AFF2: variants seen among roughly 807,000 people sequenced by gnomAD.
The protein encoded by AFF2 is ALF transcription elongation factor 2, also known as AF4/FMR2 family member 2.
Under a neutral mutation model 76.9 loss-of-function variants are expected in AFF2, and 14 were observed. The ratio of observed to expected loss-of-function variants is 0.18; its 90% CI spans 0.12 to 0.28. AFF2 has a LOEUF of 0.28. Ranked by LOEUF, AFF2 falls within the 10% of genes least tolerant of loss-of-function variation. AFF2 has a pLI of 1.00. For synonymous variants in AFF2, 398 were observed against 366.7 expected, an observed-to-expected ratio of 1.09 and a Z score of -0.98; for missense variants, 868 against 1,001.1, an observed-to-expected ratio of 0.87 and a Z score of 1.79.
intron 1 of AFF2, among the ~76,000 whole-genome samples, chrX:148,641,215 A>G (rs2054085796): frequency 8.9e-6 from 1 of 112,102 alleles, no homozygotes; most frequent in Admixed American, 9.5e-5. Flanking sequence ...TTAATGTATT[A>G]ATTAATATTT....
chrX:148,936,931 C>G (rs2071781504), intron 9 of AFF2, among the ~76,000 whole-genome samples: 1 of 111,967 alleles, frequency 8.9e-6, no homozygotes, highest in Non-Finnish European at 1.9e-5. Flanking sequence ...GAAGCTACGG[C>G]AGGGCTGAAA....
intron 8 of AFF2, among the ~76,000 whole-genome samples, chrX:148,894,197 A>G (rs2071255152): frequency 9.0e-6 from 1 of 111,628 alleles, no homozygotes. Context: ...CCACTTTGAA[A>G]AAGTAAGATT....
At chrX:148,803,880 T>G (rs1557271121) in intron 3 of AFF2, among the ~76,000 whole-genome samples, 1 of 110,669 alleles carries the variant, frequency 9.0e-6, no homozygotes, top group African/African-American at 3.3e-5. Context: ...TCATATCCAC[T>G]TAAGTCCCAT....
At chrX:148,629,776 G>A (rs1384939550) in intron 1 of AFF2, among the ~76,000 whole-genome samples, 3 of 111,376 alleles carry the variant, frequency 2.7e-5, no homozygotes, top group Non-Finnish European at 3.8e-5. Flanking sequence ...GCTCTAGTCC[G>A]GCTCCCTGTC....
intron 1 of AFF2, among the ~76,000 whole-genome samples, chrX:148,509,316 A>C (rs2124191619): frequency 8.9e-6 from 1 of 111,753 alleles, no homozygotes; most frequent in African/African-American, 3.2e-5. Context: ...AAATCCAGAA[A>C]TTTTTATTGT....
chrX:148,939,151 T>C (rs1473348281), intron 9 of AFF2, among the ~76,000 whole-genome samples: 1 of 111,564 alleles, frequency 9.0e-6, no homozygotes, highest in Non-Finnish European at 1.9e-5. Flanking sequence ...AATTCTGTGC[T>C]TTTATTTTTC....
chrX:148,843,917 T>C (rs1557274525), intron 7 of AFF2, among the ~76,000 whole-genome samples: 1 of 111,179 alleles, frequency 9.0e-6, no homozygotes, highest in Non-Finnish European at 1.9e-5. Context: ...GGGGTGAGGA[T>C]TTTAGCATAT....
intron 7 of AFF2, among the ~76,000 whole-genome samples, chrX:148,869,294 T>C (rs886941082): frequency 1.8e-5 from 2 of 111,741 alleles, no homozygotes; most frequent in African/African-American, 6.5e-5. Context: ...GTTCCTGAAC[T>C]AGATCATGGT....
At chrX:148,586,943 T>G (rs2053475228) in intron 1 of AFF2, among the ~76,000 whole-genome samples, 2 of 110,900 alleles carry the variant, frequency 1.8e-5, no homozygotes, top group Admixed American at 1.9e-4. Context: ...TCTTCTTTTC[T>G]CCCTCCATCC....
intron 3 of AFF2, among the ~76,000 whole-genome samples, chrX:148,795,782 G>C (rs1456737896): frequency 3.1e-5 from 2 of 63,512 alleles, no homozygotes; most frequent in East Asian, 1.1e-3. Flanking sequence ...CAACCTGGGC[G>C]ACAGAGTGAG....
intron 3 of AFF2, among the ~76,000 whole-genome samples, chrX:148,785,012 TTGAC>T (rs781902550): frequency 8.9e-6 from 1 of 111,754 alleles, no homozygotes; most frequent in African/African-American, 3.2e-5. Context: ...AATCAGGTCT[TTGAC>T]TGAATTCAGC....
rs1161559967 is a variant in AFF2 at position 148,897,251 on chromosome X, ATATATATATATATATATATATG to A, written c.1360-6964_1360-6943del. ...TATATATATATATATATATATATAT[ATATATATATATATATATATATG>A]TATATGAAAAATATATATATCCATA... On this transcript the variant is annotated intron_variant, in intron 8 of 20. Transcript: ENST00000370460. 6.3e-3 allele frequency among the ~76,000 whole-genome samples: 240 copies of A among 38,202 alleles called. 9 individuals carry two copies. The highest frequency in any genetic ancestry group is 0.022 in the East Asian group (24 of 1,109). 33.2% of individuals were successfully genotyped at this position (38,202 alleles called of 115,157 possible). A position where few individuals can be genotyped will look rare whatever the true frequency, so the allele number is the denominator to read the frequency against.
At position 148,500,875 on chromosome X, in the gene AFF2, C is replaced by T; in HGVS notation, c.-223C>T. 2.8e-6 allele frequency: 1 copy of T among 355,682 alleles called. No individual in the cohort carries two copies. Among genetic ancestry groups the T allele is most frequent in the South Asian group, 5.5e-5 (1 of 18,167 alleles). The allele number at this position is 355,682 out of a possible 1,213,427, so 29.3% of individuals were successfully genotyped here. On this transcript the variant is annotated 5_prime_UTR_variant, in exon 1 of 21. Coordinates refer to ENST00000370460, the MANE Select transcript of AFF2 (RefSeq NM_002025.4). ...GAGCGGACCCGAGTGGGCGACCAGG[C>T]GCTTGCCCGCCCAGTGCCACTGCCG...
chrX:148,807,045 G>T (rs2070145333), intron 3 of AFF2, among the ~76,000 whole-genome samples: 1 of 111,985 alleles, frequency 8.9e-6, no homozygotes, highest in Non-Finnish European at 1.9e-5. Flanking sequence ...TAATCACTGA[G>T]TGTGAATGCA....
intron 3 of AFF2, among the ~76,000 whole-genome samples, chrX:148,695,228 T>A (rs2054705638): frequency 8.9e-6 from 1 of 111,971 alleles, no homozygotes; most frequent in South Asian, 3.7e-4. Flanking sequence ...GAGAGCCTAT[T>A]AAGTACAAAT....
intron 3 of AFF2, among the ~76,000 whole-genome samples, chrX:148,754,261 A>G (rs1332644431): frequency 1.8e-5 from 2 of 112,010 alleles, no homozygotes; most frequent in African/African-American, 6.5e-5. Flanking sequence ...TTTTATCTCT[A>G]CTAATCTAAT....
chrX:148,756,848 G>C (rs1273778293), intron 3 of AFF2, among the ~76,000 whole-genome samples: 1 of 112,159 alleles, frequency 8.9e-6, no homozygotes, highest in Non-Finnish European at 1.9e-5. Context: ...AATGTAGTAA[G>C]TGAATAAAAG....
At chrX:148,980,135 C>T (rs782278240) in intron 18 of AFF2, among the ~76,000 whole-genome samples, 3 of 112,227 alleles carry the variant, frequency 2.7e-5, no homozygotes, top group Non-Finnish European at 5.6e-5. Context: ...ATCCTTTAAA[C>T]CAGCCCACTT....
intron 14 of AFF2, among the ~76,000 whole-genome samples, 172 bp from the exon 15 acceptor site, chrX:148,967,457 T>G (rs1366865043): frequency 8.9e-6 from 1 of 112,235 alleles, no homozygotes; most frequent in Non-Finnish European, 1.9e-5. Context: ...GTACTTCAGA[T>G]TTCATTTACA....
Sources: gnomAD v4.1 joint callset for allele counts (sites outside exome capture counted in the v4.1 genomes callset) on GRCh38, gnomAD v4.1.1 for gene constraint, MANE v1.5 for transcripts, NCBI Gene and HGNC (gene_info 2026-07-23, HGNC 2026-07-21) for gene names.